The following CACNA1E variants were observed in gnomAD, a reference collection of about 807,000 sequenced individuals.
The protein encoded by CACNA1E is calcium voltage-gated channel subunit alpha1 E.
A neutral mutation model predicts 259.2 loss-of-function variants in CACNA1E; 40 were observed. The ratio of observed to expected loss-of-function variants is 0.15; its 90% confidence interval spans 0.12 to 0.20. The LOEUF (loss-of-function observed/expected upper bound fraction) is 0.20. Ranked by LOEUF, CACNA1E falls within the 10% of genes least tolerant of loss-of-function variation. CACNA1E has a pLI of 1.00. For synonymous variants in CACNA1E, 1,104 were observed against 1,138.5 expected, an observed-to-expected ratio of 0.97 and a Z score of 0.61; for missense variants, 1,874 against 3,040.1, an observed-to-expected ratio of 0.62 and a Z score of 9.02.
chr1:181,346,009 G>A (rs1383779203), intron 1 of CACNA1E, among the ~76,000 whole-genome samples: 1 of 152,188 alleles, frequency 6.6e-6, no homozygotes, highest in Admixed American at 6.5e-5. Context: ...GCCATAGATG[G>A]CCAACCGGAC....
At chr1:181,648,309 G>C (rs899517122) in intron 6 of CACNA1E, among the ~76,000 whole-genome samples, 1 of 152,164 alleles carries the variant, frequency 6.6e-6, no homozygotes, top group Non-Finnish European at 1.5e-5. Context: ...CCTGAATATA[G>C]GTTGAAGCAA....
chr1:181,614,666 C>T (rs1655050347), intron 6 of CACNA1E, among the ~76,000 whole-genome samples: 1 of 152,214 alleles, frequency 6.6e-6, no homozygotes, highest in South Asian at 2.1e-4. Context: ...TGCATCTCTA[C>T]ATTTGTTTAC....
At chr1:181,522,682 G>A (rs16857488) in intron 3 of CACNA1E, among the ~76,000 whole-genome samples, 2,172 of 152,260 alleles carry the variant, frequency 0.014, 70 homozygotes, top group East Asian at 0.14. Context: ...AGTGCTCTGT[G>A]AGTTACATTC....
intron 3 of CACNA1E, among the ~76,000 whole-genome samples, chr1:181,568,134 A>G (rs1372797637): frequency 2.0e-5 from 3 of 152,122 alleles, no homozygotes; most frequent in African/African-American, 7.2e-5. Context: ...GAGTTTCATT[A>G]CCTGCTTACC....
chr1:181,385,068 A>C (rs1655741818), intron 1 of CACNA1E, among the ~76,000 whole-genome samples: 2 of 151,952 alleles, frequency 1.3e-5, no homozygotes. Context: ...CACTGTAAAT[A>C]CCCTCCCTTC....
At chr1:181,510,168 A>T (rs918660201) in intron 1 of CACNA1E, among the ~76,000 whole-genome samples, 1 of 152,088 alleles carries the variant, frequency 6.6e-6, no homozygotes, top group African/African-American at 2.4e-5. Flanking sequence ...TGGATTTGTT[A>T]TTGAATTCAC....
intron 7 of CACNA1E, among the ~76,000 whole-genome samples, chr1:181,678,144 G>A (rs1226708025): frequency 3.9e-5 from 6 of 152,156 alleles, no homozygotes; most frequent in Non-Finnish European, 7.4e-5. Context: ...TAGGAACTCT[G>A]AGTGGCCCCA....
rs145641947 is a variant in CACNA1E, at chr1:181,446,962, G to T, written c.434+33382G>T. 3.8e-4 allele frequency among the ~76,000 whole-genome samples: 58 copies of T among 152,252 alleles called. 1 individual carries two copies. In the East Asian group the frequency reaches 0.011, roughly 28 times the overall value. ...TGTTGGACTCTTCTTAATTCCCGAA[G>T]AATCTGGGCCATTGTTTTTTAAGCT... On this transcript the variant is annotated intron_variant, in intron 2 of 11. Coordinates refer to the CACNA1E transcript ENST00000524607.
chr1:181,427,825 AT>A (rs1659414480), intron 2 of CACNA1E, among the ~76,000 whole-genome samples: 1 of 147,230 alleles, frequency 6.8e-6, no homozygotes, highest in African/African-American at 2.5e-5. Context: ...TGTGATGAAC[AT>A]GAAATTATAT....
At chr1:181,788,376 G>T (rs1193585005) in intron 43 of CACNA1E, among the ~76,000 whole-genome samples, 1 of 152,164 alleles carries the variant, frequency 6.6e-6, no homozygotes, top group Non-Finnish European at 1.5e-5. Flanking sequence ...GGGTATAGTG[G>T]TAGACATAAC....
chr1:181,322,316 G>T (rs1571557590), intron 1 of CACNA1E, among the ~76,000 whole-genome samples: 1 of 152,144 alleles, frequency 6.6e-6, no homozygotes, highest in African/African-American at 2.4e-5. Flanking sequence ...TGAGAGATAG[G>T]ACAAAGGGAG....
At chr1:181,564,222 G>T (rs1376956946) in intron 3 of CACNA1E, among the ~76,000 whole-genome samples, 1 of 152,164 alleles carries the variant, frequency 6.6e-6, no homozygotes, top group Non-Finnish European at 1.5e-5. Flanking sequence ...TATAGCATTT[G>T]TCTCACAGTA....
intron 38 of CACNA1E, among the ~76,000 whole-genome samples, chr1:181,780,428 G>C (rs1412733775): frequency 6.6e-6 from 1 of 152,214 alleles, no homozygotes; most frequent in Non-Finnish European, 1.5e-5. Context: ...TGCTAGGTAA[G>C]GAACCCTCTC....
chr1:181,787,432 G>T (rs1456388106), intron 43 of CACNA1E, among the ~76,000 whole-genome samples: 1 of 152,012 alleles, frequency 6.6e-6, no homozygotes, highest in African/African-American at 2.4e-5. Context: ...TAGAAATGGG[G>T]GATACCACCC....
chr1:181,768,258 A>G (rs1365867869), intron 35 of CACNA1E, among the ~76,000 whole-genome samples: 2 of 152,224 alleles, frequency 1.3e-5, no homozygotes, highest in East Asian at 3.8e-4. Flanking sequence ...CATTATTTAA[A>G]TTCCTTGGTG....
In CACNA1E at chr1:181,593,927, G is replaced by C. The variant is rs572587927; in HGVS notation, c.951+13151G>C. 9.2e-5 allele frequency among the ~76,000 whole-genome samples: 14 copies of C among 152,306 alleles called. No homozygotes were observed. In the South Asian group the frequency reaches 2.7e-3, roughly 29 times the overall value. ...ATGAGCTGGGGCTGAGCCCATGAGA[G>C]AGTCTATACCAGAATAGCATAATGG... is the stretch of plus-strand genomic sequence containing the variant. On this transcript the variant is annotated intron_variant, in intron 6 of 47. Coordinates refer to ENST00000367573, the MANE Select transcript of CACNA1E (RefSeq NM_001205293.3).
chr1:181,793,682 A>C lies in CACNA1E; in HGVS notation c.5916A>C (p.Glu1972Asp). The C allele has an allele frequency of 6.2e-7, 1 of 1,610,406 alleles. No homozygotes were observed. Among genetic ancestry groups the C allele is most frequent in the Non-Finnish European group, 8.5e-7 (1 of 1,178,870 alleles). Residue 1972 changes from glutamate to aspartate, a missense_variant, in exon 45 of 48, where the codon GAA becomes GAC. Glu to Asp is a conservative substitution (Grantham distance 45). Coordinates refer to ENST00000367573, the MANE Select transcript of CACNA1E (RefSeq NM_001205293.3). The stretch of plus-strand genomic sequence containing the variant: ...ATTTCCAGGAGCCAGAGGTTAGTGA[A>C]TTAAAAAGCGTGCAGCCCTCTAACC... The part of the protein sequence containing the change: ...ERQSLEPEVS[E>D]LKSVQPSNHG...
chr1:181,660,886 G>A (rs1478483257), intron 7 of CACNA1E, among the ~76,000 whole-genome samples: 1 of 152,244 alleles, frequency 6.6e-6, no homozygotes, highest in Admixed American at 6.5e-5. Flanking sequence ...TCACGCAAGA[G>A]TTACTAAGTA....
chr1:181,487,350 T>C (rs1004285194), intron 1 of CACNA1E, among the ~76,000 whole-genome samples: 2 of 152,160 alleles, frequency 1.3e-5, no homozygotes, highest in African/African-American at 4.8e-5. Context: ...GGGAGGGTAA[T>C]CTTATCCAGT....
Sources: allele counts gnomAD v4.1 joint callset (sites outside exome capture counted in the v4.1 genomes callset), GRCh38; gene constraint gnomAD v4.1.1; transcripts MANE v1.5; gene names NCBI Gene and HGNC (gene_info 2026-07-23, HGNC 2026-07-21).